PARD3B: variants seen among roughly 807,000 people sequenced by gnomAD.
The protein encoded by PARD3B is partitioning defective 3 homolog B.
PARD3B carries 103 observed loss-of-function variants against 130.2 expected under a neutral mutation model. The observed-to-expected ratio is 0.79, with a 90% CI of 0.67 to 0.93. PARD3B has a LOEUF of 0.93. PARD3B is among the 40% of genes least tolerant of loss of function. The pLI is 0.00. For missense variants in PARD3B, 1,609 were observed against 1,499.2 expected, an observed-to-expected ratio of 1.07 and a Z score of -1.21; for synonymous variants, 583 against 553.2, an observed-to-expected ratio of 1.05 and a Z score of -0.76.
At chr2:205,278,906 CA>C (rs1424806474) in intron 16 of PARD3B, among the ~76,000 whole-genome samples, 1 of 151,216 alleles carries the variant, frequency 6.6e-6, no homozygotes, top group Non-Finnish European at 1.5e-5. Flanking sequence ...CCTGTCTCTA[CA>C]AAAAAATATA....
chr2:205,532,125 G>A (rs538555842), intron 21 of PARD3B, among the ~76,000 whole-genome samples: 1 of 152,264 alleles, frequency 6.6e-6, no homozygotes, highest in Non-Finnish European at 1.5e-5. Context: ...CTTGGCATTC[G>A]AACATGGATA....
chr2:204,989,446 TG>T (rs1186281718), intron 3 of PARD3B, among the ~76,000 whole-genome samples: 3 of 152,118 alleles, frequency 2.0e-5, no homozygotes, highest in Non-Finnish European at 2.9e-5. Context: ...AATTAAATAT[TG>T]AATTTGAGAG....
At chr2:205,124,680 TG>T in intron 9 of PARD3B, among the ~76,000 whole-genome samples, 1 of 152,316 alleles carries the variant, frequency 6.6e-6, no homozygotes, top group Non-Finnish European at 1.5e-5. Flanking sequence ...GTCAGTGATA[TG>T]GGGCCAAATG....
intron 22 of PARD3B, among the ~76,000 whole-genome samples, chr2:205,577,679 T>C (rs1371718707): frequency 1.3e-5 from 2 of 152,236 alleles, no homozygotes; most frequent in African/African-American, 2.4e-5. Context: ...GCAATGTTTT[T>C]TTCTTTTCCT....
chr2:205,101,504 C>CCAT (rs1702788157), intron 4 of PARD3B, among the ~76,000 whole-genome samples: 1 of 152,092 alleles, frequency 6.6e-6, no homozygotes, highest in African/African-American at 2.4e-5. Context: ...CATATAGTTA[C>CCAT]CATATGAGCA....
chr2:204,884,153 C>T (rs2046184590), intron 2 of PARD3B, among the ~76,000 whole-genome samples: 1 of 152,096 alleles, frequency 6.6e-6, no homozygotes. Flanking sequence ...TATCTGAGAG[C>T]CCACATAAAC....
At chr2:205,093,408 C>T (rs965814334) in intron 4 of PARD3B, among the ~76,000 whole-genome samples, 2 of 152,040 alleles carry the variant, frequency 1.3e-5, no homozygotes, top group African/African-American at 2.4e-5. Context: ...TCACCTACCC[C>T]GAGATCAATG....
chr2:205,248,467 C>G (rs1487338740), intron 16 of PARD3B, among the ~76,000 whole-genome samples: 1 of 151,654 alleles, frequency 6.6e-6, no homozygotes, highest in Non-Finnish European at 1.5e-5. Context: ...CTAACAACCT[C>G]TTTCAGTTAC....
intron 20 of PARD3B, among the ~76,000 whole-genome samples, chr2:205,442,447 T>A (rs942131153): frequency 8.5e-5 from 13 of 152,140 alleles, no homozygotes; most frequent in African/African-American, 2.6e-4. Context: ...GGATTACAGA[T>A]GCCTGCAACC....
At chr2:204,857,480 A>G (rs913475786) in intron 2 of PARD3B, among the ~76,000 whole-genome samples, 1 of 152,204 alleles carries the variant, frequency 6.6e-6, no homozygotes, top group Non-Finnish European at 1.5e-5. Flanking sequence ...AATCATACAA[A>G]TGTACTTAAT....
At chr2:205,086,530 A>G (rs550548890) in intron 4 of PARD3B, among the ~76,000 whole-genome samples, 1 of 152,292 alleles carries the variant, frequency 6.6e-6, no homozygotes, top group South Asian at 2.1e-4. Context: ...TTCCCAGTGC[A>G]TATGATTTGA....
At chr2:204,713,564 C>T (rs2038568635) in intron 2 of PARD3B, among the ~76,000 whole-genome samples, 1 of 151,906 alleles carries the variant, frequency 6.6e-6, no homozygotes. Flanking sequence ...TTCCTGTTTC[C>T]CCTCTTCCCA....
At chr2:205,487,484 A>G (rs1172371347) in intron 20 of PARD3B, among the ~76,000 whole-genome samples, 1 of 152,124 alleles carries the variant, frequency 6.6e-6, no homozygotes, top group Non-Finnish European at 1.5e-5. Flanking sequence ...ACAAGCTACC[A>G]TCCGTGCACT....
chr2:205,483,400 C>T (rs1221028856), intron 20 of PARD3B, among the ~76,000 whole-genome samples: 1 of 152,114 alleles, frequency 6.6e-6, no homozygotes, highest in Admixed American at 6.6e-5. Flanking sequence ...AGACAAAAGG[C>T]CCCTGGAAGC....
At chr2:204,798,030 G>A (rs1330820572) in intron 2 of PARD3B, among the ~76,000 whole-genome samples, 2 of 152,132 alleles carry the variant, frequency 1.3e-5, no homozygotes, top group African/African-American at 4.8e-5. Flanking sequence ...CCTCCCTGTA[G>A]GAACAACAGA....
At chr2:205,250,936 TA>T (rs1300189463) in intron 16 of PARD3B, among the ~76,000 whole-genome samples, 1 of 151,544 alleles carries the variant, frequency 6.6e-6, no homozygotes, top group Non-Finnish European at 1.5e-5. Flanking sequence ...CTCAAAAAAA[TA>T]AAAAATAAAA....
chr2:205,568,321 G>A lies in PARD3B; in HGVS notation c.3260+14918G>A, dbSNP rs889286686. Among the ~76,000 whole-genome samples the A allele has an allele frequency of 1.4e-4, 21 of 152,144 alleles. No individual in the cohort carries two copies. Among genetic ancestry groups the A allele is most frequent in the African/African-American group, 4.8e-4 (20 of 41,414 alleles). ...TCTGTGAATTGGTCATGTCTTGTAC[G>A]GAACACAGTGAATGCCAATAGCACC... On this transcript the variant is annotated intron_variant, in intron 22 of 22. Transcript: ENST00000406610. This position sits in a 1 kb window ranked among gnomAD's most constrained non-coding sequence, Gnocchi z 5.3.
intron 2 of PARD3B, among the ~76,000 whole-genome samples, chr2:204,903,984 A>G (rs970322592): frequency 5.3e-5 from 8 of 152,220 alleles, no homozygotes; most frequent in African/African-American, 1.9e-4. Flanking sequence ...TTGCTATTGA[A>G]TGCTACTTGA....
intron 10 of PARD3B, among the ~76,000 whole-genome samples, chr2:205,129,241 T>G (rs907175437): frequency 6.6e-6 from 1 of 152,202 alleles, no homozygotes; most frequent in Non-Finnish European, 1.5e-5. Flanking sequence ...ACCCATAGCC[T>G]TCCTATTGGA....
Sources: allele counts gnomAD v4.1 joint callset (sites outside exome capture counted in the v4.1 genomes callset), GRCh38; gene constraint gnomAD v4.1.1; non-coding constraint Gnocchi (gnomAD v3.1); transcripts MANE v1.5; gene names NCBI Gene and HGNC (gene_info 2026-07-23, HGNC 2026-07-21).